The following FLNB variants were observed in gnomAD, a reference collection of about 807,000 sequenced individuals.
FLNB encodes filamin B.
In FLNB, 111 loss-of-function variants were observed where a neutral mutation model predicts 250.6. The ratio of observed to expected loss-of-function variants is 0.44; its 90% CI spans 0.38 to 0.52. The LOEUF is 0.52. FLNB is among the 20% of genes least tolerant of loss of function. The probability of loss-of-function intolerance (pLI) is 0.00; values close to 1 mark genes in which losing one functional copy is unlikely to be tolerated. For synonymous variants in FLNB, 1,302 were observed against 1,372.1 expected (o/e 0.95, Z 1.13); for missense variants, 2,869 against 3,447.8 (o/e 0.83, Z 4.20).
chr3:58,159,464 A>G, intron 41 of FLNB, 90 bp from the exon 42 acceptor site: 1 of 1,312,728 alleles, frequency 7.6e-7, no homozygotes, highest in Non-Finnish European at 1.1e-6. Flanking sequence ...TTGCATGAGA[A>G]CTGTCACCCA....
chr3:58,090,258 C>T (rs1393029400), intron 4 of FLNB, among the ~76,000 whole-genome samples: 2 of 151,920 alleles, frequency 1.3e-5, no homozygotes, highest in Non-Finnish European at 2.9e-5. Context: ...ACTGGTAGGT[C>T]GTCAAGAGCA....
At chr3:58,067,578 T>TG (rs1275465144) in intron 1 of FLNB, among the ~76,000 whole-genome samples, 1 of 118,784 alleles carries the variant, frequency 8.4e-6, no homozygotes, top group Admixed American at 8.6e-5. Flanking sequence ...AGAGGTTTTT[T>TG]TTGTTTGTTT....
chr3:58,148,586 G>A, intron 35 of FLNB, 63 bp from the exon 36 acceptor site: 3 of 1,416,204 alleles, frequency 2.1e-6, no homozygotes, highest in Non-Finnish European at 3.0e-6. Flanking sequence ...TTCTGAGAGT[G>A]TGTCTCTCTC....
intron 43 of FLNB, among the ~76,000 whole-genome samples, chr3:58,167,404 T>G (rs992725746): frequency 7.2e-5 from 11 of 152,386 alleles, no homozygotes; most frequent in African/African-American, 2.6e-4. Flanking sequence ...TTGTTTTTAT[T>G]GATATCCAGA....
At chr3:58,105,051 T>C in intron 10 of FLNB, 29 bp from the exon 11 acceptor site, 1 of 1,614,202 alleles carries the variant, frequency 6.2e-7, no homozygotes, top group Non-Finnish European at 8.5e-7. Flanking sequence ...TACTCTTCTT[T>C]GATGCTTCTT....
chr3:58,095,400 G>A (rs189317902), intron 5 of FLNB, among the ~76,000 whole-genome samples: 1 of 152,148 alleles, frequency 6.6e-6, no homozygotes, highest in East Asian at 1.9e-4. Flanking sequence ...GGATTACAGG[G>A]ACCTGCCACC....
intron 4 of FLNB, among the ~76,000 whole-genome samples, chr3:58,088,944 C>T (rs2097221731): frequency 6.6e-6 from 1 of 152,144 alleles, no homozygotes; most frequent in Admixed American, 6.5e-5. Flanking sequence ...TCTTGAGCAT[C>T]AGTCGAGGTT....
chr3:58,031,908 A>C (rs2097131650), intron 1 of FLNB, among the ~76,000 whole-genome samples: 1 of 151,652 alleles, frequency 6.6e-6, no homozygotes, highest in Admixed American at 6.6e-5. Flanking sequence ...AGAGAAAAAA[A>C]AATACCTTGT....
At chr3:58,155,500 A>C (rs1300265463) in intron 40 of FLNB, among the ~76,000 whole-genome samples, 1 of 152,258 alleles carries the variant, frequency 6.6e-6, no homozygotes, top group Non-Finnish European at 1.5e-5. Flanking sequence ...ACAGTATATT[A>C]ACTGTCATCA....
intron 15 of FLNB, 94 bp from the exon 16 acceptor site, chr3:58,109,916 A>G: frequency 6.5e-7 from 1 of 1,526,978 alleles, no homozygotes; most frequent in Non-Finnish European, 9.1e-7. Context: ...GAAACTTCCC[A>G]ATTGCTTTTT....
At chr3:58,166,840 A>C (rs537047323) in intron 43 of FLNB, among the ~76,000 whole-genome samples, 1 of 150,540 alleles carries the variant, frequency 6.6e-6, no homozygotes, top group Non-Finnish European at 1.5e-5. Context: ...AATATTAGTA[A>C]TAAGGCCGGG....
rs2097383041 is a variant in FLNB at position 58,171,911 on chromosome 3, G to A, written c.*1149G>A. ...TGGTGCAGAAATCCAGAAATGAGGT[G>A]TAGGGAATTTTGCCTGCCTTCCTGC... On this transcript the variant is annotated 3_prime_UTR_variant, in exon 46 of 46. Transcript: ENST00000295956. The surrounding 1 kb of genome is among the most constrained non-coding windows in gnomAD (Gnocchi z 5.5). The A allele has an allele frequency of 6.6e-6, 1 of 152,364 alleles. No individual in the cohort carries two copies. Among genetic ancestry groups the A allele is most frequent in the South Asian group, 2.1e-4 (1 of 4,834 alleles). The allele number at this position is 152,364 out of a possible 1,614,324, so 9.4% of individuals were successfully genotyped here. A position where few individuals can be genotyped will look rare whatever the true frequency, so the allele number is the denominator to read the frequency against.
intron 1 of FLNB, among the ~76,000 whole-genome samples, chr3:58,055,340 T>A (rs1003869037): frequency 2.0e-5 from 3 of 151,842 alleles, no homozygotes; most frequent in Non-Finnish European, 2.9e-5. Context: ...TAGGGTACGG[T>A]AGAAGGTGTT....
At chr3:58,095,674 C>T (rs1559688835) in intron 5 of FLNB, among the ~76,000 whole-genome samples, 1 of 152,208 alleles carries the variant, frequency 6.6e-6, no homozygotes, top group Non-Finnish European at 1.5e-5. Flanking sequence ...TTCTTTCTGT[C>T]ACTTATTTTC....
chr3:58,152,636 G>T, intron 38 of FLNB: 1 of 609,122 alleles, frequency 1.6e-6, no homozygotes. Flanking sequence ...TTGAATTTTG[G>T]AGGGACACAA....
At chr3:58,100,460 C>A (rs942013824) in intron 8 of FLNB, among the ~76,000 whole-genome samples, 2 of 148,448 alleles carry the variant, frequency 1.3e-5, no homozygotes, top group Non-Finnish European at 3.0e-5. Flanking sequence ...ACCATCATGG[C>A]TCACTTGTAG....
Position 58,086,132 on chromosome 3 carries a change from A to G in FLNB, c.787+4356A>G, listed in dbSNP as rs562948863. Among the ~76,000 whole-genome samples the G allele has an allele frequency of 1.2e-3, 185 of 148,302 alleles. 1 individual carries two copies. The Middle Eastern group carries it at 0.014, about 11-fold the overall frequency. On this transcript the variant is annotated intron_variant, in intron 4 of 45. Transcript: ENST00000295956. ...CTCCTCAGCTTCCCTAGTAGTTCGG[A>G]CCACAGGTGTGCACCACCATGTCCA... is the stretch of plus-strand genomic sequence containing the variant.
intron 18 of FLNB, among the ~76,000 whole-genome samples, chr3:58,113,632 A>G (rs893831455): frequency 6.6e-6 from 1 of 152,140 alleles, no homozygotes; most frequent in Non-Finnish European, 1.5e-5. Flanking sequence ...GTGGCCCCTT[A>G]CATCCAGGCT....
intron 1 of FLNB, among the ~76,000 whole-genome samples, chr3:58,028,139 A>G (rs1334955765): frequency 6.6e-6 from 1 of 152,196 alleles, no homozygotes; most frequent in African/African-American, 2.4e-5. Flanking sequence ...GTAGTAATGT[A>G]TAGATGCTTT....
Sources: allele counts gnomAD v4.1 joint callset (sites outside exome capture counted in the v4.1 genomes callset), GRCh38; gene constraint gnomAD v4.1.1; non-coding constraint Gnocchi (gnomAD v3.1); transcripts MANE v1.5; gene names NCBI Gene and HGNC (gene_info 2026-07-23, HGNC 2026-07-21).